The following ELL variants were observed in gnomAD, a reference collection of about 807,000 sequenced individuals.
ELL encodes the protein RNA polymerase II elongation factor ELL.
ELL carries 18 observed loss-of-function variants against 64.0 expected under a neutral mutation model. The ratio of observed to expected loss-of-function variants is 0.28; its 90% CI spans 0.19 to 0.42. The LOEUF (loss-of-function observed/expected upper bound fraction) is 0.42, where lower values mean the gene tolerates loss of function less well. Ranked by LOEUF, ELL falls within the 10% of genes least tolerant of loss-of-function variation. ELL has a pLI of 1.00. For missense variants in ELL, 797 were observed against 870.4 expected (o/e 0.92, Z 1.06); for synonymous variants, 399 against 376.2 (o/e 1.06, Z -0.70).
chr19:18,482,763 TTTGTTGTTG>T (rs71336679), intron 1 of ELL, among the ~76,000 whole-genome samples: 20 of 149,716 alleles, frequency 1.3e-4, no homozygotes, highest in East Asian at 5.9e-4. Flanking sequence ...CTTTTTGGTT[TTTGTTGTTG>T]TTGTTGTTGT....
In ELL at chr19:18,444,654, G is replaced by T; in HGVS notation, c.*98C>A. 1 of 1,337,016 alleles carries T rather than the reference G, an allele frequency of 7.5e-7. No individual in the cohort carries two copies. The highest frequency in any genetic ancestry group is 1.0e-6 in the Non-Finnish European group (1 of 980,340). The allele number at this position is 1,337,016 out of a possible 1,614,324, so 82.8% of individuals were successfully genotyped here. On this transcript the variant is annotated 3_prime_UTR_variant, in exon 12 of 12. Coordinates refer to ENST00000262809, the MANE Select transcript of ELL (RefSeq NM_006532.4). Reference sequence around the variant, plus strand: ...CCTGAAAGCCGGCGGTGCTGGCTCAGATGAGCATCTTCCTCGGGTTTATTT... The same window carrying T: ...CCTGAAAGCCGGCGGTGCTGGCTCATATGAGCATCTTCCTCGGGTTTATTT...
intron 1 of ELL, among the ~76,000 whole-genome samples, chr19:18,493,625 A>G (rs1419599335): frequency 1.3e-5 from 2 of 151,904 alleles, no homozygotes; most frequent in Admixed American, 6.6e-5. Flanking sequence ...ACGGCCCCAC[A>G]CTCCACAGAC....
intron 1 of ELL, among the ~76,000 whole-genome samples, chr19:18,482,919 C>T: frequency 6.6e-6 from 1 of 151,894 alleles, no homozygotes; most frequent in East Asian, 1.9e-4. Context: ...CCCCAAGCAG[C>T]TGTGCCACCA....
At chr19:18,454,322 A>C (rs1974606790) in intron 6 of ELL, among the ~76,000 whole-genome samples, 1 of 151,870 alleles carries the variant, frequency 6.6e-6, no homozygotes, top group Admixed American at 6.6e-5. Context: ...ACACGGTGAA[A>C]CCTCATCTCT....
intron 1 of ELL, among the ~76,000 whole-genome samples, chr19:18,498,519 T>C (rs1975710223): frequency 6.6e-6 from 1 of 152,192 alleles, no homozygotes; most frequent in African/African-American, 2.4e-5. Context: ...TCTATGATTC[T>C]GGGAAAACAG....
rs1340304121 is a variant in ELL, at chr19:18,449,749, T to C, written c.1465+728A>G. 6.6e-6 allele frequency among the ~76,000 whole-genome samples: 1 copy of C among 152,184 alleles called. No individual in the cohort carries two copies. Among genetic ancestry groups the C allele is most frequent in the African/African-American group, 2.4e-5 (1 of 41,438 alleles). ...CGCCACATGGGACCACTGCAGCCCC[T>C]GTCGCACATGGTGGTGGAACAGCCG... On this transcript the variant is annotated intron_variant, in intron 8 of 11. Coordinates refer to ENST00000262809, the MANE Select transcript of ELL (RefSeq NM_006532.4). The surrounding 1 kb of genome is among the most constrained non-coding windows in gnomAD (Gnocchi z 4.4).
intron 1 of ELL, among the ~76,000 whole-genome samples, chr19:18,519,714 G>C (rs935259871): frequency 6.6e-6 from 1 of 151,928 alleles, no homozygotes; most frequent in Non-Finnish European, 1.5e-5. Context: ...GGCTGAGGCA[G>C]GAGAATCGCT....
rs56926583 is a variant in ELL, at chr19:18,519,821, A to AAAAG, written c.135+2096_135+2099dup. ...AACTCCATCTCAAAAAAAAAAAAAA[A>AAAAG]AAAGAAAGAAAGAAAGAAAGAAAGT... On this transcript the variant is annotated intron_variant, in intron 1 of 11. Transcript: ENST00000262809. 2.0e-3 allele frequency among the ~76,000 whole-genome samples: 275 copies of AAAAG among 139,272 alleles called. 1 individual carries two copies. Among genetic ancestry groups the AAAAG allele is most frequent in the African/African-American group, 3.5e-3 (121 of 34,536 alleles). 91.4% of individuals were successfully genotyped at this position (139,272 alleles called of 152,430 possible).
intron 5 of ELL, 141 bp from the exon 6 acceptor site, chr19:18,458,470 G>C (rs930306911): frequency 3.8e-6 from 5 of 1,313,398 alleles, no homozygotes; most frequent in African/African-American, 1.5e-5. Flanking sequence ...AAAGAGGATG[G>C]CCCACTACCG....
At chr19:18,500,139 G>A (rs780891630) in intron 1 of ELL, among the ~76,000 whole-genome samples, 31 of 152,032 alleles carry the variant, frequency 2.0e-4, no homozygotes, top group Non-Finnish European at 2.6e-4. Flanking sequence ...GCGGGTGCCT[G>A]TAACCCCAGC....
rs1339409402 is a variant in ELL at position 18,444,162 on chromosome 19, AAGG to A, written c.*587_*589del. 3.0e-5 allele frequency: 7 copies of A among 229,808 alleles called. No individual in the cohort carries two copies. Among genetic ancestry groups the A allele is most frequent in the Middle Eastern group, 1.3e-3 (1 of 786 alleles). The allele number at this position is 229,808 out of a possible 1,614,324, so 14.2% of individuals were successfully genotyped here. A position where few individuals can be genotyped will look rare whatever the true frequency, so the allele number is the denominator to read the frequency against. ...GCTTGCTGGAGCAGAGACCCTGCCCAAGGAGGAGAGGCTGGGGAAAGGGGTGCC... is the reference window on the plus strand; with the variant it reads ...GCTTGCTGGAGCAGAGACCCTGCCCAAGGAGAGGCTGGGGAAAGGGGTGCC... On this transcript the variant is annotated 3_prime_UTR_variant, in exon 12 of 12. Coordinates refer to ENST00000262809, the MANE Select transcript of ELL (RefSeq NM_006532.4).
intron 1 of ELL, among the ~76,000 whole-genome samples, chr19:18,498,182 T>C (rs1460832161): frequency 6.6e-6 from 1 of 151,604 alleles, no homozygotes; most frequent in Non-Finnish European, 1.5e-5. Flanking sequence ...TGTGCCACTC[T>C]GTGGGGTGGA....
chr19:18,488,676 G>A (rs979253845), intron 1 of ELL, among the ~76,000 whole-genome samples: 3 of 152,140 alleles, frequency 2.0e-5, no homozygotes, highest in Admixed American at 6.6e-5. Flanking sequence ...TCAAGCAAAG[G>A]AAAGCCTGAT....
intron 1 of ELL, among the ~76,000 whole-genome samples, chr19:18,510,205 TA>T (rs1430825807): frequency 6.6e-6 from 1 of 152,180 alleles, no homozygotes; most frequent in Non-Finnish European, 1.5e-5. Flanking sequence ...CCGTCTCTAC[TA>T]AAAACACAAA....
chr19:18,497,815 C>CAAAAAAAAAAAAAAAAAAAAAAAAAA (rs58521941), intron 1 of ELL, among the ~76,000 whole-genome samples: 1 of 54,214 alleles, frequency 1.8e-5, no homozygotes, highest in African/African-American at 6.6e-5. Flanking sequence ...GATCTCATCT[C>CAAAAAAAAAAAAAAAAAAAAAAAAAA]AAAAAAAAAA....
intron 1 of ELL, among the ~76,000 whole-genome samples, chr19:18,497,815 C>CAAAAAAAAA (rs58521941): frequency 3.7e-5 from 2 of 54,212 alleles, no homozygotes; most frequent in Non-Finnish European, 7.0e-5. Context: ...GATCTCATCT[C>CAAAAAAAAA]AAAAAAAAAA....
intron 1 of ELL, among the ~76,000 whole-genome samples, chr19:18,508,850 T>C (rs535858765): frequency 2.0e-5 from 3 of 152,316 alleles, no homozygotes; most frequent in East Asian, 3.9e-4. Context: ...ACCCAGCCCT[T>C]TGGCCACAGT....
At chr19:18,514,521 A>G (rs1177121889) in intron 1 of ELL, among the ~76,000 whole-genome samples, 1 of 151,410 alleles carries the variant, frequency 6.6e-6, no homozygotes, top group African/African-American at 2.4e-5. Flanking sequence ...CTCAAAAAAA[A>G]AAAAAAAAAA....
intron 1 of ELL, among the ~76,000 whole-genome samples, chr19:18,479,422 T>C (rs2144939325): frequency 6.6e-6 from 1 of 152,246 alleles, no homozygotes; most frequent in East Asian, 1.9e-4. Context: ...ACGTATCTGA[T>C]TGTTGGCCAG....
Sources: gnomAD v4.1 joint callset for allele counts (sites outside exome capture counted in the v4.1 genomes callset) on GRCh38, gnomAD v4.1.1 for gene constraint, Gnocchi (gnomAD v3.1) non-coding constraint, MANE v1.5 for transcripts, NCBI Gene and HGNC (gene_info 2026-07-23, HGNC 2026-07-21) for gene names.